CCSER2: variants seen among roughly 807,000 people sequenced by gnomAD.
The protein encoded by CCSER2 is coiled-coil serine rich protein 2.
CCSER2 carries 46 observed loss-of-function variants against 92.3 expected under a neutral mutation model. The ratio of observed to expected loss-of-function variants is 0.50; its 90% CI spans 0.39 to 0.64. The LOEUF is 0.64. Among genes scored for constraint, CCSER2 ranks in the 30% least tolerant of loss-of-function variants. CCSER2 has a pLI of 0.00. For synonymous variants in CCSER2, 433 were observed against 431.4 expected, an observed-to-expected ratio of 1.00 and a Z score of -0.04; for missense variants, 1,244 against 1,238.9, an observed-to-expected ratio of 1.00 and a Z score of -0.06.
At chr10:84,452,392 G>T (rs1845345615) in intron 6 of CCSER2, 4 of 152,132 alleles carry the variant, frequency 2.6e-5, no homozygotes. Flanking sequence ...ATTGTGATGT[G>T]TCAAAAAAGA....
chr10:84,459,586 A>AG (rs1203325364), intron 6 of CCSER2, among the ~76,000 whole-genome samples: 3 of 152,104 alleles, frequency 2.0e-5, no homozygotes, highest in Admixed American at 6.6e-5. Context: ...GCAGTGGCAC[A>AG]GTCATGACTG....
In CCSER2 at chr10:84,341,848, T is replaced by C. The variant is rs565339245; in HGVS notation, c.-40+13040T>C. 2.4e-4 allele frequency among the ~76,000 whole-genome samples: 36 copies of C among 152,296 alleles called. 1 individual carries two copies. In the South Asian group the frequency reaches 7.0e-3, roughly 30 times the overall value. On this transcript the variant is annotated intron_variant, in intron 1 of 9. Transcript: ENST00000372088. ...TTATTAAACAGCATATTTTAAGAAA[T>C]ATAGATGAACAGCCAGATGGAAGAG...
At chr10:84,457,597 ATTTATATATTATATATAATTATATAT>A (rs1845827406) in intron 6 of CCSER2, among the ~76,000 whole-genome samples, 1 of 116,502 alleles carries the variant, frequency 8.6e-6, no homozygotes, top group Non-Finnish European at 1.7e-5. Flanking sequence ...ATAATTATAT[ATTTATATATTATATATAATTATATAT>A]TTATATATTA....
intron 4 of CCSER2, among the ~76,000 whole-genome samples, chr10:84,423,541 G>C (rs535069324): frequency 2.0e-5 from 3 of 152,042 alleles, no homozygotes; most frequent in African/African-American, 7.3e-5. Flanking sequence ...TGGCCTATTC[G>C]CCCGATTTGC....
intron 5 of CCSER2, among the ~76,000 whole-genome samples, chr10:84,434,388 T>C (rs1180974213): frequency 6.6e-6 from 1 of 152,198 alleles, no homozygotes; most frequent in Non-Finnish European, 1.5e-5. Context: ...TATATTTGCT[T>C]TCTGTTCCAT....
chr10:84,368,138 A>G (rs186125592), intron 1 of CCSER2, among the ~76,000 whole-genome samples: 134 of 152,116 alleles, frequency 8.8e-4, no homozygotes, highest in Middle Eastern at 3.4e-3. Flanking sequence ...TGCTCGGGAT[A>G]TTTTTCCTCA....
intron 3 of CCSER2, among the ~76,000 whole-genome samples, chr10:84,412,241 A>G (rs1206084782): frequency 5.9e-5 from 9 of 152,122 alleles, no homozygotes; most frequent in Non-Finnish European, 1.3e-4. Flanking sequence ...ATATTGGCCT[A>G]AAGTTTTCTT....
Position 84,438,546 on chromosome 10 carries a change from T to C in CCSER2, c.1903T>C (p.Phe635Leu). The C allele has an allele frequency of 6.2e-7, 1 of 1,612,728 alleles. No individual in the cohort carries two copies. Among genetic ancestry groups the C allele is most frequent in the Non-Finnish European group, 8.5e-7 (1 of 1,179,324 alleles). The change falls in exon 6 of 10, where the codon TTT becomes CTT. Residue 635 changes from phenylalanine to leucine, a missense_variant. Phe to Leu is a conservative substitution (Grantham distance 22). Coordinates refer to ENST00000372088, the MANE Select transcript of CCSER2 (RefSeq NM_001284240.2). ...CTATAGAGAATCTCCTTTGGGTCATTTTGAAAGCTATGGAGGGATGCCCTT... is the reference window on the plus strand; with the variant it reads ...CTATAGAGAATCTCCTTTGGGTCATCTTGAAAGCTATGGAGGGATGCCCTT... Reference protein sequence around the residue: ...SPYRESPLGHFESYGGMPFFQ... With the variant: ...SPYRESPLGHLESYGGMPFFQ...
intron 5 of CCSER2, among the ~76,000 whole-genome samples, chr10:84,434,279 A>G (rs1241072797): frequency 6.6e-6 from 1 of 152,184 alleles, no homozygotes. Context: ...CTGAAATCTC[A>G]AATTCTGAGA....
At chr10:84,351,231 T>A (rs1844840027) in intron 1 of CCSER2, among the ~76,000 whole-genome samples, 1 of 151,944 alleles carries the variant, frequency 6.6e-6, no homozygotes, top group Non-Finnish European at 1.5e-5. Context: ...GGGAGAAGTT[T>A]TTTTGTTTTT....
intron 1 of CCSER2, among the ~76,000 whole-genome samples, chr10:84,341,677 C>A (rs988255014): frequency 2.0e-5 from 3 of 152,096 alleles, no homozygotes; most frequent in African/African-American, 7.2e-5. Flanking sequence ...CCATCCCCCC[C>A]ACCACTTCAG....
At chr10:84,507,981 G>A (rs1403979733) in intron 9 of CCSER2, among the ~76,000 whole-genome samples, 1 of 152,156 alleles carries the variant, frequency 6.6e-6, no homozygotes, top group African/African-American at 2.4e-5. Flanking sequence ...ATATCTGCCT[G>A]TAGTGTTTTA....
At position 84,417,848 on chromosome 10, in the gene CCSER2, A is replaced by G. The variant is rs756212742; in HGVS notation, c.1692A>G (p.Ala564=). 5 of 1,559,426 alleles carry G rather than the reference A, an allele frequency of 3.2e-6. No individual in the cohort carries two copies. In the East Asian group the frequency reaches 1.1e-4, roughly 35 times the overall value. ...LMLDVDLPED[A]PLENVECDNM... Reference sequence around the variant, plus strand: ...TTGATGTGGATCTGCCTGAGGATGCACCTCTTGAAAATGGTAAGTTGAGAC... The same window carrying G: ...TTGATGTGGATCTGCCTGAGGATGCGCCTCTTGAAAATGGTAAGTTGAGAC... The change falls in exon 4 of 10, where the codon GCA becomes GCG. Residue 564 remains alanine, a synonymous_variant. Coordinates refer to ENST00000372088, the MANE Select transcript of CCSER2 (RefSeq NM_001284240.2).
chr10:84,485,740 A>C (rs965891492), intron 9 of CCSER2, among the ~76,000 whole-genome samples: 5 of 152,242 alleles, frequency 3.3e-5, no homozygotes, highest in Admixed American at 1.3e-4. Context: ...AGTTCACTAC[A>C]TGCTTTTTTA....
intron 3 of CCSER2, among the ~76,000 whole-genome samples, chr10:84,385,922 G>A (rs548493630): frequency 6.6e-6 from 1 of 151,880 alleles, no homozygotes; most frequent in East Asian, 1.9e-4. Context: ...AATGGGCAAA[G>A]GATATGAACA....
rs528719837 is a variant in CCSER2, at chr10:84,510,107, A to T, written c.2326-3342A>T. On this transcript the variant is annotated intron_variant, in intron 9 of 9. Coordinates refer to ENST00000372088, the MANE Select transcript of CCSER2 (RefSeq NM_001284240.2). ...CACAAAGTCATAGCTACTTAGCCTGACATGAGTCCTAGGAGCTGGCCCTTA... is the reference window on the plus strand; with the variant it reads ...CACAAAGTCATAGCTACTTAGCCTGTCATGAGTCCTAGGAGCTGGCCCTTA... 5.9e-5 allele frequency among the ~76,000 whole-genome samples: 9 copies of T among 152,318 alleles called. No individual in the cohort carries two copies. In the South Asian group the frequency reaches 1.9e-3, roughly 32 times the overall value.
At position 84,372,323 on chromosome 10, in the gene CCSER2, C is replaced by T; in HGVS notation, c.1271C>T (p.Ser424Phe). The change falls in exon 2 of 10, where the codon TCC (serine) becomes TTC (phenylalanine). Residue 424 changes from serine (S) to phenylalanine (F), a missense_variant. By Grantham distance (155) the Ser-to-Phe change is radical (BLOSUM62 -2). Transcript: ENST00000372088. ...FSDDFIDIEDSNRTRITPEEM... is the reference protein window; with the variant it reads ...FSDDFIDIEDFNRTRITPEEM... ...GATGATTTTATAGATATAGAAGACT[C>T]CAACAGAACTAGAATAACTCCAGAG... 2 of 1,611,970 alleles carry T rather than the reference C, an allele frequency of 1.2e-6. No individual in the cohort carries two copies. The highest frequency in any genetic ancestry group is 1.7e-6 in the Non-Finnish European group (2 of 1,178,676).
At chr10:84,472,949 A>G (rs1846905691) in intron 8 of CCSER2, 2 of 152,200 alleles carry the variant, frequency 1.3e-5, no homozygotes, top group Admixed American at 6.5e-5. Flanking sequence ...TCAGTCTAGG[A>G]CTATGCACAA....
At chr10:84,354,722 C>G (rs947932937) in intron 1 of CCSER2, among the ~76,000 whole-genome samples, 1 of 151,664 alleles carries the variant, frequency 6.6e-6, no homozygotes, top group Admixed American at 6.6e-5. Context: ...CAGATTTTGC[C>G]CTTGCATTTC....
Sources: gnomAD v4.1 joint callset for allele counts (sites outside exome capture counted in the v4.1 genomes callset) on GRCh38, gnomAD v4.1.1 for gene constraint, MANE v1.5 for transcripts, NCBI Gene and HGNC (gene_info 2026-07-23, HGNC 2026-07-21) for gene names.